TRIM33: variants seen among roughly 807,000 people sequenced by gnomAD.
TRIM33 encodes the protein tripartite motif containing 33, also known as E3 ubiquitin-protein ligase TRIM33.
In TRIM33, 20 loss-of-function variants were observed where a neutral mutation model predicts 125.4. The ratio of observed to expected loss-of-function variants is 0.16; its 90% CI spans 0.11 to 0.23. The LOEUF is 0.23. Ranked by LOEUF, TRIM33 falls within the 10% of genes least tolerant of loss-of-function variation. TRIM33 has a pLI of 1.00. For synonymous variants in TRIM33, 564 were observed against 513.9 expected (o/e 1.10, Z -1.32); for missense variants, 920 against 1,411.4 (o/e 0.65, Z 5.58).
intron 1 of TRIM33, among the ~76,000 whole-genome samples, chr1:114,487,977 G>C (rs1293855719): frequency 6.7e-6 from 1 of 148,360 alleles, no homozygotes; most frequent in African/African-American, 2.5e-5. Context: ...CTTAAATCAT[G>C]TGAGAGCTTA....
intron 4 of TRIM33, among the ~76,000 whole-genome samples, chr1:114,462,161 A>G (rs1650041625): frequency 6.6e-6 from 1 of 152,172 alleles, no homozygotes; most frequent in Non-Finnish European, 1.5e-5. Context: ...ACTAGTACCT[A>G]AACCTCATGG....
At chr1:114,465,931 T>G (rs1047585284) in intron 1 of TRIM33, among the ~76,000 whole-genome samples, 1 of 151,680 alleles carries the variant, frequency 6.6e-6, no homozygotes, top group African/African-American at 2.4e-5. Flanking sequence ...TATTCCCAGC[T>G]ACTCAGGAGG....
chr1:114,428,418 C>T (rs537284834), intron 6 of TRIM33, among the ~76,000 whole-genome samples: 36 of 152,186 alleles, frequency 2.4e-4, no homozygotes, highest in Admixed American at 1.1e-3. Context: ...TCACAGAGAA[C>T]AAAGAAGTAA....
At chr1:114,431,738 C>T (rs965669051) in intron 5 of TRIM33, among the ~76,000 whole-genome samples, 1 of 152,206 alleles carries the variant, frequency 6.6e-6, no homozygotes, top group African/African-American at 2.4e-5. Flanking sequence ...AACTTTAATA[C>T]ACTCCAAGAA....
chr1:114,486,354 A>G (rs1651685609), intron 1 of TRIM33, among the ~76,000 whole-genome samples: 1 of 151,898 alleles, frequency 6.6e-6, no homozygotes, highest in Non-Finnish European at 1.5e-5. Context: ...AGACCAATGG[A>G]AATTATAGGA....
Position 114,500,986 on chromosome 1 carries a change from C to T in TRIM33, c.526+9565G>A, listed in dbSNP as rs549955877. 1.8e-3 allele frequency among the ~76,000 whole-genome samples: 116 copies of T among 65,880 alleles called. 26 individuals carry two copies. The highest frequency in any genetic ancestry group is 3.0e-3 in the Non-Finnish European group (94 of 31,058). 43.2% of individuals were successfully genotyped at this position (65,880 alleles called of 152,430 possible). A position where few individuals can be genotyped will look rare whatever the true frequency, so the allele number is the denominator to read the frequency against. ...CGGGCGGATCACGAGGTCAGGAGAT[C>T]GAGACCATCCCGGCTAACACGGTAA... On this transcript the variant is annotated intron_variant, in intron 1 of 19. Transcript: ENST00000358465.
intron 4 of TRIM33, among the ~76,000 whole-genome samples, chr1:114,439,574 C>T (rs1648529494): frequency 7.0e-6 from 1 of 141,868 alleles, no homozygotes; most frequent in Admixed American, 7.1e-5. Flanking sequence ...GTCATTAGTA[C>T]ATTAATACAT....
chr1:114,483,708 G>A (rs556512285), intron 1 of TRIM33, among the ~76,000 whole-genome samples: 8 of 151,898 alleles, frequency 5.3e-5, no homozygotes, highest in African/African-American at 1.4e-4. Context: ...CACCGTGCCC[G>A]GCCCCAGTTG....
intron 7 of TRIM33, 135 bp downstream of exon 7, chr1:114,427,613 G>T: frequency 1.1e-6 from 1 of 871,020 alleles, no homozygotes; most frequent in Non-Finnish European, 1.7e-6. Context: ...GGGGGTGGTG[G>T]AAGTTTTCTG....
intron 11 of TRIM33, chr1:114,420,295 A>T: frequency 1.6e-6 from 1 of 643,062 alleles, no homozygotes; most frequent in Non-Finnish European, 2.6e-6. Flanking sequence ...CAAAGTGTCT[A>T]CTATCTTGGC....
chr1:114,494,885 T>C (rs1455045473), intron 1 of TRIM33, among the ~76,000 whole-genome samples: 1 of 152,166 alleles, frequency 6.6e-6, no homozygotes, highest in Non-Finnish European at 1.5e-5. Flanking sequence ...GCAGCCTAAC[T>C]GGTATTATTT....
intron 1 of TRIM33, among the ~76,000 whole-genome samples, chr1:114,487,027 C>T (rs923904510): frequency 6.7e-6 from 1 of 149,564 alleles, no homozygotes; most frequent in Admixed American, 6.7e-5. Context: ...ATGGAGACTG[C>T]AGTGAGCCAA....
At chr1:114,486,907 T>A (rs1651734862) in intron 1 of TRIM33, among the ~76,000 whole-genome samples, 1 of 151,860 alleles carries the variant, frequency 6.6e-6, no homozygotes, top group African/African-American at 2.4e-5. Context: ...GCCAAAATAG[T>A]GAAACCCTAT....
At chr1:114,409,593 AG>A (rs1157655011) in intron 12 of TRIM33, among the ~76,000 whole-genome samples, 8 of 152,188 alleles carry the variant, frequency 5.3e-5, no homozygotes, top group Non-Finnish European at 7.3e-5. Context: ...AGTAATTTGG[AG>A]TTCCAAATAG....
At chr1:114,444,597 C>T (rs1196016790) in intron 4 of TRIM33, among the ~76,000 whole-genome samples, 1 of 152,156 alleles carries the variant, frequency 6.6e-6, no homozygotes, top group African/African-American at 2.4e-5. Flanking sequence ...TGGGTACCAC[C>T]AACTTAGAAA....
chr1:114,475,575 C>T (rs1021803445), intron 1 of TRIM33, among the ~76,000 whole-genome samples: 6 of 151,996 alleles, frequency 3.9e-5, no homozygotes, highest in African/African-American at 7.3e-5. Context: ...CCCAGCTACT[C>T]GGGAGGCTGA....
intron 4 of TRIM33, among the ~76,000 whole-genome samples, chr1:114,447,838 C>T (rs1460685213): frequency 6.6e-6 from 1 of 152,122 alleles, no homozygotes; most frequent in Non-Finnish European, 1.5e-5. Flanking sequence ...AAGATGAAAA[C>T]TGAGAAAACA....
intron 4 of TRIM33, among the ~76,000 whole-genome samples, chr1:114,437,892 T>C (rs1648406333): frequency 6.6e-6 from 1 of 152,154 alleles, no homozygotes; most frequent in African/African-American, 2.4e-5. Flanking sequence ...AAGAAGTTTA[T>C]GAAAATATGG....
intron 8 of TRIM33, among the ~76,000 whole-genome samples, chr1:114,426,944 C>G (rs1224624007): frequency 1.3e-5 from 2 of 152,100 alleles, no homozygotes; most frequent in Admixed American, 1.3e-4. Flanking sequence ...GGACTAGAAA[C>G]AGCACACATT....
Sources: allele counts gnomAD v4.1 joint callset (sites outside exome capture counted in the v4.1 genomes callset), GRCh38; gene constraint gnomAD v4.1.1; transcripts MANE v1.5; gene names NCBI Gene and HGNC (gene_info 2026-07-23, HGNC 2026-07-21).